Variants in ROBO2 observed in about 807,000 individuals in gnomAD.
ROBO2 encodes roundabout homolog 2.
ROBO2 carries 53 observed loss-of-function variants against 160.8 expected under a neutral mutation model. The observed-to-expected ratio is 0.33, with a 90% confidence interval of 0.26 to 0.41. The LOEUF (loss-of-function observed/expected upper bound fraction) is 0.41, where lower values mean the gene tolerates loss of function less well. Among genes scored for constraint, ROBO2 ranks in the 10% least tolerant of loss-of-function variants. The probability of loss-of-function intolerance (pLI) is 1.00; values close to 1 mark genes in which losing one functional copy is unlikely to be tolerated. For synonymous variants in ROBO2, 664 were observed against 611.7 expected, an observed-to-expected ratio of 1.09 and a Z score of -1.26; for missense variants, 1,577 against 1,722.4, an observed-to-expected ratio of 0.92 and a Z score of 1.49.
chr3:77,603,420 G>T (rs1337463393), intron 20 of ROBO2, among the ~76,000 whole-genome samples: 1 of 152,038 alleles, frequency 6.6e-6, no homozygotes, highest in East Asian at 1.9e-4. Context: ...AAATGATTTT[G>T]GAGTAGTTCA....
intron 2 of ROBO2, among the ~76,000 whole-genome samples, chr3:76,458,404 G>A (rs2077897406): frequency 6.6e-6 from 1 of 152,118 alleles, no homozygotes; most frequent in African/African-American, 2.4e-5. Context: ...ATATGAGACA[G>A]CCTCAGCCTG....
At chr3:76,478,680 G>GTTTTTT (rs1042265916) in intron 2 of ROBO2, among the ~76,000 whole-genome samples, 4 of 120,930 alleles carry the variant, frequency 3.3e-5, no homozygotes, top group African/African-American at 3.1e-5. Flanking sequence ...TTTTTTCTCT[G>GTTTTTT]TTTTTTTTTT....
intron 2 of ROBO2, among the ~76,000 whole-genome samples, chr3:76,382,479 C>T (rs965226138): frequency 2.6e-5 from 4 of 152,126 alleles, no homozygotes; most frequent in Non-Finnish European, 4.4e-5. Flanking sequence ...CCCAGCTACT[C>T]GGGAGGCTGA....
At chr3:76,272,989 AT>A (rs1707656971) in intron 2 of ROBO2, among the ~76,000 whole-genome samples, 1 of 85,464 alleles carries the variant, frequency 1.2e-5, no homozygotes, top group Non-Finnish European at 2.1e-5. Flanking sequence ...ATAATATATA[AT>A]ATATAATTTA....
At chr3:76,316,311 G>A (rs767779905) in intron 2 of ROBO2, among the ~76,000 whole-genome samples, 6 of 152,094 alleles carry the variant, frequency 3.9e-5, no homozygotes, top group Admixed American at 6.6e-5. Flanking sequence ...CAAGAGCGAC[G>A]ATTTATAGAC....
At chr3:77,642,896 G>A (rs778916206) in intron 24 of ROBO2, 7 of 456,548 alleles carry the variant, frequency 1.5e-5, no homozygotes, top group South Asian at 9.3e-5. Flanking sequence ...TCCACAGAAC[G>A]ACAAGAAGAT....
chr3:76,005,134 C>T (rs1009747736), intron 2 of ROBO2, among the ~76,000 whole-genome samples: 1 of 152,174 alleles, frequency 6.6e-6, no homozygotes, highest in Admixed American at 6.5e-5. Flanking sequence ...TTTCCAGAAC[C>T]ATAAAGAATC....
intron 2 of ROBO2, among the ~76,000 whole-genome samples, chr3:76,648,882 T>G (rs959976406): frequency 6.6e-6 from 1 of 152,126 alleles, no homozygotes; most frequent in Non-Finnish European, 1.5e-5. Context: ...AAATTTAAAA[T>G]TTTTTATTTG....
At chr3:77,108,887 C>T (rs1474153106) in intron 2 of ROBO2, among the ~76,000 whole-genome samples, 2 of 152,054 alleles carry the variant, frequency 1.3e-5, no homozygotes, top group African/African-American at 4.8e-5. Flanking sequence ...GATGAGCTTT[C>T]ATGTTATCCT....
At chr3:76,795,821 A>G (rs1272477272) in intron 2 of ROBO2, among the ~76,000 whole-genome samples, 2 of 152,116 alleles carry the variant, frequency 1.3e-5, no homozygotes, top group East Asian at 3.9e-4. Flanking sequence ...GTCCAGATAC[A>G]TCAGAAAAAT....
At chr3:76,132,606 C>A (rs2071272721) in intron 2 of ROBO2, among the ~76,000 whole-genome samples, 1 of 152,028 alleles carries the variant, frequency 6.6e-6, no homozygotes, top group South Asian at 2.1e-4. Context: ...ACCTCAGATT[C>A]TCTATTATTA....
intron 2 of ROBO2, among the ~76,000 whole-genome samples, chr3:76,166,449 A>G (rs1421732952): frequency 6.6e-6 from 1 of 152,076 alleles, no homozygotes; most frequent in Non-Finnish European, 1.5e-5. Flanking sequence ...TCATCGTCTA[A>G]TTTACGGTTC....
intron 2 of ROBO2, among the ~76,000 whole-genome samples, chr3:76,985,853 G>A (rs1351945523): frequency 6.6e-6 from 1 of 152,072 alleles, no homozygotes; most frequent in Non-Finnish European, 1.5e-5. Context: ...ATGATCAACT[G>A]GAAGAGCTTG....
rs77844592 is a variant in ROBO2, at chr3:76,154,693, C to G, written c.109+217091C>G. Among the ~76,000 whole-genome samples, 327 of 152,144 alleles carry G rather than the reference C, an allele frequency of 2.1e-3. 2 individuals are homozygous for G. The highest frequency in any genetic ancestry group is 7.5e-3 in the African/African-American group (313 of 41,522). On this transcript the variant is annotated intron_variant, in intron 2 of 26. Coordinates refer to the ROBO2 transcript ENST00000487694. ...TAAAAAGAGAATCAGCAATTATGAC[C>G]ACTGAAAGTAAATTACGCCACTAAA...
Position 76,712,067 on chromosome 3 carries a change from G to A in ROBO2, c.110-385947G>A, listed in dbSNP as rs147283864. On this transcript the variant is annotated intron_variant, in intron 2 of 26. Coordinates refer to the ROBO2 transcript ENST00000487694. ...CCAAACTTTTTGGGAAAAAGAGTAG[G>A]CTTGCATTAATACTTACTGATTGGC... Among the ~76,000 whole-genome samples, 1,374 of 152,258 alleles carry A rather than the reference G, an allele frequency of 9.0e-3. 21 individuals are homozygous for A. The highest frequency in any genetic ancestry group is 0.027 in the African/African-American group (1,134 of 41,544).
intron 2 of ROBO2, among the ~76,000 whole-genome samples, chr3:77,463,559 G>GATTATTATTATTATTGTT (rs1560907060): frequency 6.6e-6 from 1 of 151,602 alleles, no homozygotes; most frequent in Non-Finnish European, 1.5e-5. Flanking sequence ...GGTTATTGAA[G>GATTATTATTATTATTGTT]ATTATTATTA....
At chr3:76,126,421 G>GTATT (rs963616469) in intron 2 of ROBO2, among the ~76,000 whole-genome samples, 1 of 152,002 alleles carries the variant, frequency 6.6e-6, no homozygotes, top group East Asian at 1.9e-4. Context: ...CGCTTATTTA[G>GTATT]TGAAAGAAAA....
chr3:76,550,920 T>A (rs900315799), intron 2 of ROBO2, among the ~76,000 whole-genome samples: 1 of 152,076 alleles, frequency 6.6e-6, no homozygotes, highest in African/African-American at 2.4e-5. Context: ...ACCCTTAGTG[T>A]GAACAGCCTG....
chr3:76,581,490 C>A (rs1401949807), intron 2 of ROBO2, among the ~76,000 whole-genome samples: 1 of 151,974 alleles, frequency 6.6e-6, no homozygotes, highest in African/African-American at 2.4e-5. Flanking sequence ...ATAAAAAAAT[C>A]AGCTAGGTGT....
Sources: gnomAD v4.1 joint callset for allele counts (sites outside exome capture counted in the v4.1 genomes callset) on GRCh38, gnomAD v4.1.1 for gene constraint, MANE v1.5 for transcripts, NCBI Gene and HGNC (gene_info 2026-07-23, HGNC 2026-07-21) for gene names.